DMD: variants seen among roughly 807,000 people sequenced by gnomAD.
The protein encoded by DMD is dystrophin.
Under a neutral mutation model 330.1 loss-of-function variants are expected in DMD, and 63 were observed. The ratio of observed to expected loss-of-function variants is 0.19; its 90% CI spans 0.16 to 0.24. The LOEUF (loss-of-function observed/expected upper bound fraction) is 0.24, where lower values mean the gene tolerates loss of function less well. Among genes scored for constraint, DMD ranks in the 10% least tolerant of loss-of-function variants. The pLI, the probability that DMD is intolerant of heterozygous loss-of-function variation, is 1.00. For synonymous variants in DMD, 1,223 were observed against 959.8 expected (o/e 1.27, Z -5.07); for missense variants, 3,344 against 2,684.1 (o/e 1.25, Z -5.43).
intron 30 of DMD, among the ~76,000 whole-genome samples, chrX:32,402,410 T>C (rs935664861): frequency 3.6e-5 from 4 of 111,327 alleles, no homozygotes; most frequent in Admixed American, 9.6e-5. Flanking sequence ...ATTTATAGAG[T>C]CATGTATATA....
intron 44 of DMD, among the ~76,000 whole-genome samples, chrX:32,101,664 A>T (rs1393628677): frequency 1.8e-5 from 2 of 112,214 alleles, no homozygotes; most frequent in East Asian, 5.6e-4. Flanking sequence ...CTATTATAAT[A>T]AGCTGAAATA....
At chrX:32,998,614 TACAC>T (rs72160681) in intron 2 of DMD, among the ~76,000 whole-genome samples, 245 of 102,162 alleles carry the variant, frequency 2.4e-3, no homozygotes, top group Non-Finnish European at 3.9e-3. Context: ...TATATATATA[TACAC>T]ACACACACAC....
intron 18 of DMD, among the ~76,000 whole-genome samples, chrX:32,503,910 C>G (rs2044346288): frequency 9.0e-6 from 1 of 111,595 alleles, no homozygotes; most frequent in African/African-American, 3.3e-5. Context: ...AGTGGGAGAC[C>G]TGACGATATC....
intron 2 of DMD, among the ~76,000 whole-genome samples, chrX:32,856,661 A>G (rs1321619848): frequency 8.9e-6 from 1 of 112,008 alleles, no homozygotes; most frequent in African/African-American, 3.2e-5. Flanking sequence ...ACCAGAGTGT[A>G]GTATGGGTAG....
chrX:32,492,909 T>G (rs755129496), intron 19 of DMD, among the ~76,000 whole-genome samples: 26 of 111,424 alleles, frequency 2.3e-4, no homozygotes, highest in African/African-American at 8.6e-4. Context: ...AGGTTCTTTC[T>G]CTAGGTTAAA....
chrX:31,984,270 T>A (rs747473863), intron 44 of DMD, among the ~76,000 whole-genome samples: 1 of 112,057 alleles, frequency 8.9e-6, no homozygotes, highest in Non-Finnish European at 1.9e-5. Flanking sequence ...CAACCCAGAA[T>A]ATGTTTGAAG....
chrX:31,577,823 C>A (rs1290015167), intron 55 of DMD, among the ~76,000 whole-genome samples: 1 of 111,396 alleles, frequency 9.0e-6, no homozygotes, highest in African/African-American at 3.3e-5. Flanking sequence ...GATTCCCTGT[C>A]CTAAATGACA....
At chrX:31,815,264 A>G (rs1051571015) in intron 50 of DMD, among the ~76,000 whole-genome samples, 11 of 111,786 alleles carry the variant, frequency 9.8e-5, no homozygotes. Flanking sequence ...AGCCTGACCA[A>G]CATGGTGAAA....
chrX:33,219,283 T>C (rs1427807947), intron 1 of DMD, among the ~76,000 whole-genome samples: 3 of 105,485 alleles, frequency 2.8e-5, no homozygotes, highest in Non-Finnish European at 3.9e-5. Flanking sequence ...CCACTCCATC[T>C]ATGGTTGATA....
intron 44 of DMD, among the ~76,000 whole-genome samples, chrX:32,028,843 T>C (rs972177619): frequency 1.3e-4 from 15 of 111,641 alleles, no homozygotes; most frequent in Non-Finnish European, 3.8e-5. Flanking sequence ...GTTATAATGC[T>C]ATATTATCAA....
chrX:33,297,198 A>G (rs2053596449), intron 1 of DMD, among the ~76,000 whole-genome samples: 1 of 111,867 alleles, frequency 8.9e-6, no homozygotes, highest in Admixed American at 9.5e-5. Context: ...TTTTTTTCCA[A>G]AAATATTTAA....
chrX:32,733,783 T>A (rs1427024928), intron 7 of DMD, among the ~76,000 whole-genome samples: 4 of 105,844 alleles, frequency 3.8e-5, no homozygotes, highest in Non-Finnish European at 5.8e-5. Flanking sequence ...GGGAAATTTA[T>A]AGCACTAAAT....
rs148146390 is a variant in DMD at position 31,311,797 on chromosome X, T to C, written c.9224+11801A>G. Among the ~76,000 whole-genome samples the C allele has an allele frequency of 4.2e-3, 471 of 111,462 alleles. 2 individuals carry two copies. Among genetic ancestry groups the C allele is most frequent in the Non-Finnish European group, 6.3e-3 (334 of 53,058 alleles). On this transcript the variant is annotated intron_variant, in intron 62 of 78. Coordinates refer to ENST00000357033, the MANE Select transcript of DMD (RefSeq NM_004006.3). ...TATCCATGAAAGACCTCAGAAATAA[T>C]ACCACACATCTACAAACATCTGATC...
At chrX:32,354,189 T>C (rs756813861) in intron 37 of DMD, among the ~76,000 whole-genome samples, 3 of 111,895 alleles carry the variant, frequency 2.7e-5, no homozygotes, top group Admixed American at 9.5e-5. Flanking sequence ...ATCTTAATAA[T>C]CATGATAAAT....
Position 32,342,298 on chromosome X carries a change from A to C in DMD, c.5740-16T>G. ...GATCAATTTCCTATTGAGCAAAACC[A>C]ATACAGGGCCCAGGGCAGTTAGCTA... On this transcript the variant is annotated splice_polypyrimidine_tract_variant and intron_variant, in intron 40 of 78. Coordinates refer to ENST00000357033, the MANE Select transcript of DMD (RefSeq NM_004006.3). 8.3e-7 allele frequency: 1 copy of C among 1,209,863 alleles called. No individual in the cohort carries two copies. Among genetic ancestry groups the C allele is most frequent in the Non-Finnish European group, 1.1e-6 (1 of 894,570 alleles).
At chrX:33,279,086 A>G (rs2053280688) in intron 1 of DMD, among the ~76,000 whole-genome samples, 1 of 111,862 alleles carries the variant, frequency 8.9e-6, no homozygotes, top group African/African-American at 3.3e-5. Flanking sequence ...AGACATCTAC[A>G]TACTACTTTA....
chrX:32,946,987 G>C (rs907087406), intron 2 of DMD, among the ~76,000 whole-genome samples: 1 of 112,302 alleles, frequency 8.9e-6, no homozygotes, highest in East Asian at 2.8e-4. Flanking sequence ...ATTTGGGAAA[G>C]GGTGTTTCTA....
chrX:32,889,396 C>T (rs917005073), intron 2 of DMD, among the ~76,000 whole-genome samples: 1 of 110,617 alleles, frequency 9.0e-6, no homozygotes, highest in Non-Finnish European at 1.9e-5. Context: ...GGAACAAGGT[C>T]CCTATGGGAT....
intron 9 of DMD, among the ~76,000 whole-genome samples, chrX:32,685,695 C>A (rs1299637443): frequency 3.6e-5 from 4 of 111,574 alleles, no homozygotes; most frequent in Non-Finnish European, 7.5e-5. Flanking sequence ...TCTGGATTTG[C>A]TACACATAAA....
Sources: allele counts gnomAD v4.1 joint callset (sites outside exome capture counted in the v4.1 genomes callset), GRCh38; gene constraint gnomAD v4.1.1; transcripts MANE v1.5; gene names NCBI Gene and HGNC (gene_info 2026-07-23, HGNC 2026-07-21).